FASLG: variants seen among roughly 807,000 people sequenced by gnomAD.
FASLG encodes the protein Fas ligand.
FASLG carries 9 observed loss-of-function variants against 24.6 expected under a neutral mutation model. The ratio of observed to expected loss-of-function variants is 0.37; its 90% CI spans 0.22 to 0.64. The LOEUF is 0.64. Ranked by LOEUF, FASLG falls within the 30% of genes least tolerant of loss-of-function variation. The pLI is 0.64. For synonymous variants in FASLG, 130 were observed against 135.5 expected (o/e 0.96, Z 0.28); for missense variants, 306 against 345.3 (o/e 0.89, Z 0.90).
intron 3 of FASLG, among the ~76,000 whole-genome samples, chr1:172,664,835 G>C (rs10458360): frequency 0.56 from 85,350 of 152,100 alleles, 27,265 homozygotes; most frequent in African/African-American, 0.87. Context: ...CACTTGTAGA[G>C]TTTCAATATG....
At chr1:172,664,133 GGTTTA>G (rs749959741) in intron 2 of FASLG, among the ~76,000 whole-genome samples, 196 bp from the exon 3 acceptor site, 60 of 152,004 alleles carry the variant, frequency 3.9e-4, no homozygotes, top group Admixed American at 7.2e-4. Context: ...ATCTTAATTT[GGTTTA>G]TTTTTTTACC....
In FASLG at chr1:172,666,112, A is replaced by C; in HGVS notation, c.*96A>C. On this transcript the variant is annotated 3_prime_UTR_variant, in exon 4 of 4. Coordinates refer to ENST00000367721, the MANE Select transcript of FASLG (RefSeq NM_000639.3). Reference sequence around the variant, plus strand: ...GGTCTTCTTACATGCATTTGAGGTCAAGTAAGAAGACATGAACCAAGTGGA... The same window carrying C: ...GGTCTTCTTACATGCATTTGAGGTCCAGTAAGAAGACATGAACCAAGTGGA... The C allele has an allele frequency of 6.8e-7, 1 of 1,480,852 alleles. No homozygotes were observed. The highest frequency in any genetic ancestry group is 9.3e-7 in the Non-Finnish European group (1 of 1,077,268). The allele number at this position is 1,480,852 out of a possible 1,614,324, so 91.7% of individuals were successfully genotyped here. A position where few individuals can be genotyped will look rare whatever the true frequency, so the allele number is the denominator to read the frequency against.
chr1:172,659,852 T>C (rs1245910745), intron 1 of FASLG, among the ~76,000 whole-genome samples: 1 of 152,104 alleles, frequency 6.6e-6, no homozygotes, highest in African/African-American at 2.4e-5. Flanking sequence ...CAAACAAAAC[T>C]TTTAAGTTTT....
chr1:172,661,758 A>C (rs1425224346), intron 2 of FASLG, among the ~76,000 whole-genome samples: 1 of 152,208 alleles, frequency 6.6e-6, no homozygotes, highest in African/African-American at 2.4e-5. Flanking sequence ...TCATCAAATT[A>C]ATAAAGATTA....
At chr1:172,665,298 G>T (rs990892389) in intron 3 of FASLG, among the ~76,000 whole-genome samples, 2 of 152,216 alleles carry the variant, frequency 1.3e-5, no homozygotes, top group Non-Finnish European at 2.9e-5. Flanking sequence ...TTCAGGAAAG[G>T]ACTTCAAAGC....
chr1:172,659,640 C>T, intron 1 of FASLG, 91 bp downstream of exon 1: 1 of 1,482,514 alleles, frequency 6.7e-7, no homozygotes, highest in Non-Finnish European at 8.9e-7. Flanking sequence ...GCTTTTCAAT[C>T]CTTTTTTTTT....
chr1:172,663,572 G>A (rs1396736482), intron 2 of FASLG, among the ~76,000 whole-genome samples: 1 of 152,124 alleles, frequency 6.6e-6, no homozygotes, highest in African/African-American at 2.4e-5. Flanking sequence ...GGAAAGTGGG[G>A]GTATGTGTAG....
At chr1:172,659,574 G>T in intron 1 of FASLG, 25 bp downstream of exon 1, 1 of 1,611,888 alleles carries the variant, frequency 6.2e-7, no homozygotes, top group Non-Finnish European at 8.5e-7. Context: ...AGACTGCTGT[G>T]CCCTGGAGGC....
Position 172,666,029 on chromosome 1 carries a change from G to A in FASLG, c.*13G>A. 6.2e-7 allele frequency: 1 copy of A among 1,613,842 alleles called. No individual in the cohort carries two copies. The highest frequency in any genetic ancestry group is 8.5e-7 in the Non-Finnish European group (1 of 1,179,980). On this transcript the variant is annotated 3_prime_UTR_variant, in exon 4 of 4. Coordinates refer to ENST00000367721, the MANE Select transcript of FASLG (RefSeq NM_000639.3). ...ATATAAGCTCTAAGAGAAGCACTTT[G>A]GGATTCTTTCCATTATGATTCTTTG...
At chr1:172,662,298 ATACTAT>A (rs1483394990) in intron 2 of FASLG, among the ~76,000 whole-genome samples, 2 of 124,500 alleles carry the variant, frequency 1.6e-5, no homozygotes, top group African/African-American at 7.6e-5. Context: ...TCTCTGGGAG[ATACTAT>A]TATAGATTAT....
At chr1:172,661,398 C>A (rs1039081556) in intron 2 of FASLG, among the ~76,000 whole-genome samples, 3 of 152,248 alleles carry the variant, frequency 2.0e-5, no homozygotes, top group Non-Finnish European at 4.4e-5. Flanking sequence ...GCTTCTGTGT[C>A]CTAATCCTTA....
intron 2 of FASLG, among the ~76,000 whole-genome samples, chr1:172,662,160 T>G (rs1659156636): frequency 6.6e-6 from 1 of 152,118 alleles, no homozygotes; most frequent in Non-Finnish European, 1.5e-5. Flanking sequence ...GCACTCTGTA[T>G]TGTTAGATAA....
In FASLG at chr1:172,666,442, A is replaced by G. The variant is rs1296882921; in HGVS notation, c.*426A>G. On this transcript the variant is annotated 3_prime_UTR_variant, in exon 4 of 4. Transcript: ENST00000367721. ...TTAAGGGATGGAAAAGGAAGACTAGAGGCTTGCATAATAAGCTAAAGAGGC... is the reference window on the plus strand; with the variant it reads ...TTAAGGGATGGAAAAGGAAGACTAGGGGCTTGCATAATAAGCTAAAGAGGC... 2 of 171,538 alleles carry G rather than the reference A, an allele frequency of 1.2e-5. No individual in the cohort carries two copies. The highest frequency in any genetic ancestry group is 4.8e-5 in the African/African-American group (2 of 42,104). The allele number at this position is 171,538 out of a possible 1,614,324, so 10.6% of individuals were successfully genotyped here.
Position 172,659,367 on chromosome 1 carries a change from C to T in FASLG, c.166C>T (p.Pro56Ser). 6.2e-7 allele frequency: 1 copy of T among 1,610,366 alleles called. No individual in the cohort carries two copies. The highest frequency in any genetic ancestry group is 8.5e-7 in the Non-Finnish European group (1 of 1,178,424). The change falls in exon 1 of 4, where the codon CCT becomes TCT. Residue 56 changes from proline to serine, a missense_variant. By Grantham distance (74) the Pro-to-Ser change is moderately conservative. Transcript: ENST00000367721. ...PPPPPPPPLP[P>S]PPPPPPLPPL... Reference sequence around the variant, plus strand: ...ACCACCGCCACCGCCACCACTACCACCTCCGCCGCCGCCGCCACCACTGCC... The same window carrying T: ...ACCACCGCCACCGCCACCACTACCATCTCCGCCGCCGCCGCCACCACTGCC...
chr1:172,663,288 C>G (rs760701435), intron 2 of FASLG, among the ~76,000 whole-genome samples: 4 of 152,018 alleles, frequency 2.6e-5, no homozygotes, highest in Non-Finnish European at 4.4e-5. Flanking sequence ...CTCAACGTAT[C>G]GTAAGGAACT....
At chr1:172,663,297 C>A (rs1485786273) in intron 2 of FASLG, among the ~76,000 whole-genome samples, 1 of 152,062 alleles carries the variant, frequency 6.6e-6, no homozygotes, top group African/African-American at 2.4e-5. Flanking sequence ...TCGTAAGGAA[C>A]TTGTCGTTAT....
intron 2 of FASLG, 90 bp from the exon 3 acceptor site, chr1:172,664,243 CT>C (rs945505342): frequency 1.4e-5 from 20 of 1,391,084 alleles, no homozygotes; most frequent in Non-Finnish European, 1.7e-5. Flanking sequence ...GTTTTAAAAT[CT>C]TTTTTTTAAA....
At chr1:172,662,474 G>A (rs1454907313) in intron 2 of FASLG, among the ~76,000 whole-genome samples, 1 of 152,198 alleles carries the variant, frequency 6.6e-6, no homozygotes, top group Non-Finnish European at 1.5e-5. Flanking sequence ...GCTTTTAGCA[G>A]GGGGAAGAAG....
chr1:172,661,207 A>C (rs1659130457), intron 2 of FASLG, among the ~76,000 whole-genome samples: 2 of 152,322 alleles, frequency 1.3e-5, no homozygotes, highest in Middle Eastern at 3.4e-3. Flanking sequence ...CTCTGCAAAG[A>C]CTATAGGTAG....
Sources: gnomAD v4.1 joint callset for allele counts (sites outside exome capture counted in the v4.1 genomes callset) on GRCh38, gnomAD v4.1.1 for gene constraint, MANE v1.5 for transcripts, NCBI Gene and HGNC (gene_info 2026-07-23, HGNC 2026-07-21) for gene names.